Variants in CRY1 observed in about 807,000 individuals in gnomAD.
The protein encoded by CRY1 is cryptochrome-1.
CRY1 carries 45 observed loss-of-function variants against 76.0 expected under a neutral mutation model. The ratio of observed to expected loss-of-function variants is 0.59; its 90% confidence interval spans 0.47 to 0.76. The LOEUF (loss-of-function observed/expected upper bound fraction) is 0.76. CRY1 is among the 30% of genes least tolerant of loss of function. The pLI, the probability that CRY1 is intolerant of heterozygous loss-of-function variation, is 0.00. For synonymous variants in CRY1, 248 were observed against 244.0 expected (o/e 1.02, Z -0.15); for missense variants, 587 against 716.4 (o/e 0.82, Z 2.06).
At chr12:107,022,223 T>TA (rs1252253039) in intron 1 of CRY1, 31 bp from the exon 2 acceptor site, 36 of 1,276,768 alleles carry the variant, frequency 2.8e-5, no homozygotes, top group Non-Finnish European at 3.8e-5. Context: ...TTTAAATTAT[T>TA]AAAAAATACA....
At chr12:107,083,221 G>C (rs944957328) in intron 1 of CRY1, among the ~76,000 whole-genome samples, 7 of 152,190 alleles carry the variant, frequency 4.6e-5, no homozygotes, top group Middle Eastern at 3.4e-3. Context: ...ACCAAAAAAA[G>C]CCCAGGACTA....
chr12:107,068,412 C>T (rs997850539), intron 1 of CRY1, among the ~76,000 whole-genome samples: 4 of 152,152 alleles, frequency 2.6e-5, no homozygotes, highest in African/African-American at 9.7e-5. Flanking sequence ...ATTCCTGCCT[C>T]AGCCTCCTGA....
At chr12:107,060,643 A>G (rs1198434005) in intron 1 of CRY1, among the ~76,000 whole-genome samples, 1 of 152,184 alleles carries the variant, frequency 6.6e-6, no homozygotes, top group Non-Finnish European at 1.5e-5. Context: ...TGCTCAAATC[A>G]GGAACTGAAC....
intron 1 of CRY1, among the ~76,000 whole-genome samples, chr12:107,089,485 A>G (rs1042599770): frequency 6.6e-6 from 1 of 151,812 alleles, no homozygotes; most frequent in Non-Finnish European, 1.5e-5. Flanking sequence ...CAGGCATGAG[A>G]CATTGAGCTC....
chr12:107,018,711 A>C (rs369693577), intron 2 of CRY1, among the ~76,000 whole-genome samples: 1 of 152,198 alleles, frequency 6.6e-6, no homozygotes, highest in East Asian at 1.9e-4. Flanking sequence ...CTCCTTATTA[A>C]AAGTTTCTGC....
intron 1 of CRY1, among the ~76,000 whole-genome samples, chr12:107,058,427 G>A (rs1953010290): frequency 6.6e-6 from 1 of 152,232 alleles, no homozygotes; most frequent in South Asian, 2.1e-4. Flanking sequence ...AGCTCAAGTT[G>A]AGAAAATAGT....
intron 1 of CRY1, among the ~76,000 whole-genome samples, chr12:107,076,098 C>T (rs1222130347): frequency 1.3e-5 from 2 of 151,422 alleles, no homozygotes; most frequent in African/African-American, 2.4e-5. Context: ...AGGTAATACA[C>T]GATAGGAAAT....
At chr12:106,993,650 A>G (rs896502486) in intron 10 of CRY1, among the ~76,000 whole-genome samples, 1 of 152,108 alleles carries the variant, frequency 6.6e-6, no homozygotes, top group African/African-American at 2.4e-5. Context: ...CCTATCCACG[A>G]GCAGGTGGAT....
chr12:107,005,862 T>C (rs1593497347), intron 2 of CRY1, among the ~76,000 whole-genome samples: 1 of 152,324 alleles, frequency 6.6e-6, no homozygotes, highest in East Asian at 1.9e-4. Context: ...TCAGGAGCTA[T>C]GTTAATAAGT....
intron 1 of CRY1, among the ~76,000 whole-genome samples, chr12:107,091,125 C>A (rs1015535119): frequency 1.3e-5 from 2 of 152,022 alleles, no homozygotes; most frequent in African/African-American, 4.8e-5. Context: ...CTGCAACCTC[C>A]GTCTCCTAGG....
Position 107,093,484 on chromosome 12 carries a change from GCGGTGGTCGAGGCCGCTGGA to G in CRY1, c.-543_-524del, listed in dbSNP as rs1261803665. On this transcript the variant is annotated 5_prime_UTR_variant, in exon 1 of 13. Transcript: ENST00000008527. ...AAAGGACCGGGAACGGAGGCTAGAG[GCGGTGGTCGAGGCCGCTGGA>G]CGGTTGCCGGCCGGTGACCGGTCCC... The G allele has an allele frequency of 6.6e-6, 1 of 152,608 alleles. No individual in the cohort carries two copies. Among genetic ancestry groups the G allele is most frequent in the Non-Finnish European group, 1.5e-5 (1 of 68,258 alleles). 9.5% of individuals were successfully genotyped at this position (152,608 alleles called of 1,614,324 possible).
chr12:107,072,963 T>A (rs976306542), intron 1 of CRY1: 2 of 152,280 alleles, frequency 1.3e-5, no homozygotes, highest in East Asian at 3.9e-4. Flanking sequence ...ATCCAATAAG[T>A]AGTGTTGGAA....
chr12:107,061,678 G>A (rs550827887), intron 1 of CRY1, among the ~76,000 whole-genome samples: 14 of 152,064 alleles, frequency 9.2e-5, no homozygotes, highest in South Asian at 4.2e-4. Flanking sequence ...CACTGCGCCC[G>A]GCCCCTAATA....
At chr12:107,061,616 A>G (rs1251706645) in intron 1 of CRY1, among the ~76,000 whole-genome samples, 1 of 152,022 alleles carries the variant, frequency 6.6e-6, no homozygotes, top group Non-Finnish European at 1.5e-5. Flanking sequence ...TCCTGACCTC[A>G]AGTGATCCAT....
intron 1 of CRY1, among the ~76,000 whole-genome samples, chr12:107,029,412 G>T (rs1293140393): frequency 1.3e-5 from 2 of 151,790 alleles, no homozygotes; most frequent in Non-Finnish European, 2.9e-5. Flanking sequence ...AGCAACATAG[G>T]GAGATCTCAT....
At chr12:107,014,469 G>A (rs1952476798) in intron 2 of CRY1, among the ~76,000 whole-genome samples, 1 of 152,138 alleles carries the variant, frequency 6.6e-6, no homozygotes, top group African/African-American at 2.4e-5. Context: ...GTATCACACA[G>A]TAGGGCAAGA....
intron 1 of CRY1, among the ~76,000 whole-genome samples, chr12:107,067,096 A>T (rs761225571): frequency 9.9e-5 from 15 of 152,180 alleles, no homozygotes; most frequent in Non-Finnish European, 1.8e-4. Context: ...ACAAATAGGA[A>T]ATAGTCTACA....
intron 1 of CRY1, among the ~76,000 whole-genome samples, chr12:107,034,168 G>A (rs1263796123): frequency 6.6e-6 from 1 of 151,950 alleles, no homozygotes; most frequent in Non-Finnish European, 1.5e-5. Context: ...AGATGGAGAC[G>A]AAAGTGACCT....
Position 106,999,750 on chromosome 12 carries a change from G to C in CRY1, c.938C>G (p.Pro313Arg). 1.9e-6 allele frequency: 3 copies of C among 1,614,230 alleles called. No homozygotes were observed. Among genetic ancestry groups the C allele is most frequent in the South Asian group, 1.1e-5 (1 of 91,086 alleles). Residue 313 changes from proline (P) to arginine (R), a missense_variant, in exon 7 of 13, where the codon CCT (proline) becomes CGT (arginine). Coordinates refer to ENST00000008527, the MANE Select transcript of CRY1 (RefSeq NM_004075.5). Reference protein sequence around the residue: ...NPRFDKMEGNPICVQIPWDKN... With the variant: ...NPRFDKMEGNRICVQIPWDKN... The stretch of plus-strand genomic sequence containing the variant: ...ATCCCAAGGAATCTGAACACAGATA[G>C]GGTTTCCTTCCATTTTATCAAAGCG...
Sources: allele counts gnomAD v4.1 joint callset (sites outside exome capture counted in the v4.1 genomes callset), GRCh38; gene constraint gnomAD v4.1.1; transcripts MANE v1.5; gene names NCBI Gene and HGNC (gene_info 2026-07-23, HGNC 2026-07-21).